Variants in FAM193A observed in about 807,000 individuals in gnomAD.
FAM193A encodes family with sequence similarity 193 member A.
A neutral mutation model predicts 126.5 loss-of-function variants in FAM193A; 22 were observed. That is an observed-to-expected ratio of 0.17 (90% CI 0.12 to 0.25). The LOEUF (loss-of-function observed/expected upper bound fraction) is 0.25, where lower values mean the gene tolerates loss of function less well. FAM193A is among the 10% of genes least tolerant of loss of function. The pLI is 1.00. For missense variants in FAM193A, 1,675 were observed against 1,672.8 expected (o/e 1.00, Z -0.02); for synonymous variants, 761 against 646.8 (o/e 1.18, Z -2.68).
intron 20 of FAM193A, among the ~76,000 whole-genome samples, chr4:2,722,222 CGT>C (rs1308813912): frequency 2.0e-5 from 3 of 152,158 alleles, no homozygotes; most frequent in Non-Finnish European, 2.9e-5. Context: ...TGTCAGACAC[CGT>C]GTGCATGTCT....
chr4:2,610,137 C>G (rs1243019857), intron 2 of FAM193A, among the ~76,000 whole-genome samples: 7 of 151,970 alleles, frequency 4.6e-5, no homozygotes. Context: ...GAGGCTGAGG[C>G]AGGAGAATCG....
At chr4:2,593,711 G>C (rs1157906844) in intron 1 of FAM193A, among the ~76,000 whole-genome samples, 2 of 152,058 alleles carry the variant, frequency 1.3e-5, no homozygotes, top group Non-Finnish European at 2.9e-5. Context: ...TTTTAGGCTT[G>C]GGGACCTTTG....
intron 6 of FAM193A, among the ~76,000 whole-genome samples, chr4:2,643,386 T>C (rs1744830217): frequency 6.6e-6 from 1 of 152,198 alleles, no homozygotes; most frequent in Admixed American, 6.5e-5. Flanking sequence ...CAATGACTTT[T>C]GATATATTTC....
At chr4:2,589,416 T>G (rs1210764045) in intron 1 of FAM193A, among the ~76,000 whole-genome samples, 5 of 152,174 alleles carry the variant, frequency 3.3e-5, no homozygotes, top group Non-Finnish European at 4.4e-5. Context: ...TCCTTCAGAG[T>G]TCATTCTTTA....
At chr4:2,708,920 T>C (rs1177256486) in intron 19 of FAM193A, among the ~76,000 whole-genome samples, 1 of 152,230 alleles carries the variant, frequency 6.6e-6, no homozygotes, top group Non-Finnish European at 1.5e-5. Flanking sequence ...ATTGTTGTCT[T>C]TTACTTAACT....
chr4:2,595,206 G>T (rs1399410907), intron 1 of FAM193A, among the ~76,000 whole-genome samples: 1 of 152,046 alleles, frequency 6.6e-6, no homozygotes, highest in Non-Finnish European at 1.5e-5. Flanking sequence ...GCACCACTAT[G>T]CCTGGCTAAT....
At chr4:2,550,444 G>A (rs1737843925) in intron 1 of FAM193A, among the ~76,000 whole-genome samples, 1 of 151,690 alleles carries the variant, frequency 6.6e-6, no homozygotes, top group Non-Finnish European at 1.5e-5. Flanking sequence ...TTGTTTGTTT[G>A]TTTATTTTTG....
intron 19 of FAM193A, among the ~76,000 whole-genome samples, chr4:2,707,912 A>G (rs1718491027): frequency 6.6e-6 from 1 of 151,828 alleles, no homozygotes; most frequent in African/African-American, 2.4e-5. Context: ...AGCACACTCA[A>G]CTAATTTTTG....
Position 2,672,227 on chromosome 4 carries a change from T to A in FAM193A, c.2186T>A (p.Phe729Tyr), listed in dbSNP as rs757257266. ...GGAGCCCTTCCTCCTGGCCATCAGT[T>A]CTTGAGCCCAGAGAAGCCCACACAC... is the stretch of plus-strand genomic sequence containing the variant. ...TAGALPPGHQ[F>Y]LSPEKPTHPA... Residue 729 changes from phenylalanine to tyrosine, a missense_variant, in exon 13 of 21, where the codon TTC becomes TAC. Physicochemically the swap from Phe to Tyr is conservative, Grantham distance 22. Transcript: ENST00000637812. 1 of 1,614,200 alleles carries A rather than the reference T, an allele frequency of 6.2e-7. No individual in the cohort carries two copies. The highest frequency in any genetic ancestry group is 8.5e-7 in the Non-Finnish European group (1 of 1,180,040).
chr4:2,590,215 T>C (rs1312572544), intron 1 of FAM193A, among the ~76,000 whole-genome samples: 1 of 150,360 alleles, frequency 6.7e-6, no homozygotes, highest in Non-Finnish European at 1.5e-5. Context: ...CTCACGCCTG[T>C]AATCCCAGCA....
At chr4:2,628,559 C>T (rs28439885) in intron 4 of FAM193A, among the ~76,000 whole-genome samples, 10,142 of 152,124 alleles carry the variant, frequency 0.067, 589 homozygotes, top group African/African-American at 0.15. Context: ...AGCTCTTAAG[C>T]CCAGGAGTTC....
At chr4:2,578,218 C>T (rs943861901) in intron 1 of FAM193A, among the ~76,000 whole-genome samples, 24 of 152,154 alleles carry the variant, frequency 1.6e-4, no homozygotes, top group Admixed American at 1.6e-3. Context: ...AGGCGCATGC[C>T]ACCCTGCCCA....
chr4:2,626,635 C>A, intron 4 of FAM193A, 58 bp downstream of exon 4: 1 of 660,240 alleles, frequency 1.5e-6, no homozygotes, highest in Non-Finnish European at 2.8e-6. Context: ...CCCTGCTGCA[C>A]TTGGAGCCAC....
chr4:2,672,313 C>T lies in FAM193A; in HGVS notation c.2272C>T (p.Leu758=), dbSNP rs760968624. 6.2e-7 allele frequency: 1 copy of T among 1,614,228 alleles called. No homozygotes were observed. Residue 758 remains leucine (L), a synonymous_variant, in exon 13 of 21, where the codon CTG becomes TTG. Transcript: ENST00000637812. ...TGTGCCTTTGCACACTGTTCCACAC[C>T]TGCCACGCCCTCTCATCCACCCCAC... ...GHVPLHTVPH[L]PRPLIHPTLY... is the part of the protein sequence containing the mutation.
chr4:2,653,172 A>C (rs1431585497), intron 7 of FAM193A, among the ~76,000 whole-genome samples: 2 of 152,258 alleles, frequency 1.3e-5, no homozygotes, highest in African/African-American at 4.8e-5. Context: ...AAATTCTTTT[A>C]CTAAGACTGA....
At position 2,690,865 on chromosome 4, in the gene FAM193A, G is replaced by A. The variant is rs878883737; in HGVS notation, c.2698G>A (p.Val900Ile). The part of the protein sequence containing the change: ...QDAFMEANKV[V>I]MATSSATSSV... ...TGCTTTCATGGAAGCAAATAAAGTT[G>A]TCATGGCCACGTCATCAGCCACGTC... Residue 900 changes from valine to isoleucine, a missense_variant, in exon 15 of 21, where the codon GTC (valine) becomes ATC (isoleucine). By Grantham distance (29) the Val-to-Ile change is conservative (BLOSUM62 3). Coordinates refer to ENST00000637812, the MANE Select transcript of FAM193A (RefSeq NM_001366318.2). 2.5e-6 allele frequency: 4 copies of A among 1,614,178 alleles called. No individual in the cohort carries two copies. In the South Asian group the frequency reaches 3.3e-5, roughly 13 times the overall value.
chr4:2,697,129 A>G (rs976652484), intron 18 of FAM193A, among the ~76,000 whole-genome samples: 4 of 152,194 alleles, frequency 2.6e-5, no homozygotes, highest in African/African-American at 9.7e-5. Context: ...ATAAGTCTTC[A>G]TGGGAAGACA....
At chr4:2,551,309 T>C (rs1737904303) in intron 1 of FAM193A, among the ~76,000 whole-genome samples, 1 of 152,210 alleles carries the variant, frequency 6.6e-6, no homozygotes, top group Non-Finnish European at 1.5e-5. Flanking sequence ...ATTATGCTGA[T>C]TTAGCACACC....
intron 1 of FAM193A, among the ~76,000 whole-genome samples, chr4:2,595,014 A>G (rs1417479343): frequency 1.3e-5 from 2 of 149,790 alleles, no homozygotes; most frequent in African/African-American, 4.9e-5. Flanking sequence ...TTTTAATAGA[A>G]ACAGGGTTTC....
Sources: allele counts gnomAD v4.1 joint callset (sites outside exome capture counted in the v4.1 genomes callset), GRCh38; gene constraint gnomAD v4.1.1; transcripts MANE v1.5; gene names NCBI Gene and HGNC (gene_info 2026-07-23, HGNC 2026-07-21).